POU2F2: variants seen among roughly 807,000 people sequenced by gnomAD.
POU2F2 encodes the protein POU domain, class 2, transcription factor 2.
Under a neutral mutation model 63.5 loss-of-function variants are expected in POU2F2, and 14 were observed. The observed-to-expected ratio is 0.22, with a 90% confidence interval of 0.15 to 0.34. The LOEUF is 0.34. Ranked by LOEUF, POU2F2 falls within the 10% of genes least tolerant of loss-of-function variation. The probability of loss-of-function intolerance (pLI) is 1.00; values close to 1 mark genes in which losing one functional copy is unlikely to be tolerated. For missense variants in POU2F2, 607 were observed against 815.2 expected (o/e 0.74, Z 3.11); for synonymous variants, 306 against 348.6 (o/e 0.88, Z 1.36).
chr19:42,159,547 T>C (rs1011871936), intron 2 of POU2F2, among the ~76,000 whole-genome samples: 3 of 152,030 alleles, frequency 2.0e-5, no homozygotes, highest in Admixed American at 2.0e-4. Flanking sequence ...CTGTCCACCC[T>C]CCTCCCTAGA....
Position 42,195,102 on chromosome 19 carries a change from G to C in POU2F2, c.-70+1281C>G, listed in dbSNP as rs1599738756. On this transcript the variant is annotated intron_variant, in intron 1 of 5. Coordinates refer to the POU2F2 transcript ENST00000532176. ...GGGAGGGAGGAAGGGAGGAAGGAAGGGAGGGAGGGAGGGAGGAACGAAGAG... is the reference window on the plus strand; with the variant it reads ...GGGAGGGAGGAAGGGAGGAAGGAAGCGAGGGAGGGAGGGAGGAACGAAGAG... Among the ~76,000 whole-genome samples the C allele has an allele frequency of 3.4e-5, 3 of 89,056 alleles. No individual in the cohort carries two copies. The East Asian group carries it at 1.1e-3, about 33-fold the overall frequency. The allele number at this position is 89,056 out of a possible 152,430, so 58.4% of individuals were successfully genotyped here. A position where few individuals can be genotyped will look rare whatever the true frequency, so the allele number is the denominator to read the frequency against.
chr19:42,098,986 G>A (rs1243565676), intron 7 of POU2F2, among the ~76,000 whole-genome samples: 6 of 152,200 alleles, frequency 3.9e-5, no homozygotes, highest in Non-Finnish European at 8.8e-5. Context: ...GTACAGCCCT[G>A]CCAGATTTTC....
rs2034361642 is a variant in POU2F2 at position 42,152,032 on chromosome 19, C to G, written c.-9+8300G>C. 6.6e-6 allele frequency among the ~76,000 whole-genome samples: 1 copy of G among 152,122 alleles called. No homozygotes were observed. The highest frequency in any genetic ancestry group is 1.5e-5 in the Non-Finnish European group (1 of 68,022). ...GGAAGAGGCCTTCAGACAGTTTTCC[C>G]CTTTTGCCCATGGCTACAGTGAAGG... On this transcript the variant is annotated intron_variant, in intron 2 of 6. Coordinates refer to the POU2F2 transcript ENST00000524801. This position sits in a 1 kb window ranked among gnomAD's most constrained non-coding sequence, Gnocchi z 4.1.
rs1211874205 is a variant in POU2F2 at position 42,152,200 on chromosome 19, C to G, written c.-9+8132G>C. Among the ~76,000 whole-genome samples, 1 of 152,120 alleles carries G rather than the reference C, an allele frequency of 6.6e-6. No individual in the cohort carries two copies. Among genetic ancestry groups the G allele is most frequent in the African/African-American group, 2.4e-5 (1 of 41,426 alleles). Reference sequence around the variant, plus strand: ...CCCCCATGCCCACAGGGATATGGAGCCTCCAAAGAGACAGAAGGAAACAGG... The same window carrying G: ...CCCCCATGCCCACAGGGATATGGAGGCTCCAAAGAGACAGAAGGAAACAGG... On this transcript the variant is annotated intron_variant, in intron 2 of 6. Transcript: ENST00000524801. This position sits in a 1 kb window ranked among gnomAD's most constrained non-coding sequence, Gnocchi z 4.1.
At chr19:42,130,488 C>T (rs573352695) in intron 1 of POU2F2, among the ~76,000 whole-genome samples, 173 of 152,198 alleles carry the variant, frequency 1.1e-3, no homozygotes, top group Middle Eastern at 3.4e-3. Context: ...AGTCTTCCCA[C>T]ACTGGGCTGT....
At chr19:42,135,663 AAAATT>A (rs1342203139), upstream of POU2F2, among the ~76,000 whole-genome samples, 1 of 151,882 alleles carries the variant, frequency 6.6e-6, no homozygotes, top group Non-Finnish European at 1.5e-5. Context: ...CCTTTTAAAA[AAAATT>A]AAATTAAGCT....
intron 2 of POU2F2, among the ~76,000 whole-genome samples, chr19:42,138,832 A>AGTC (rs1209945168): frequency 6.6e-6 from 1 of 152,170 alleles, no homozygotes; most frequent in African/African-American, 2.4e-5. Context: ...CCAGGGGGAA[A>AGTC]GTCAGGAAGC....
chr19:42,163,487 C>T (rs2034591234), intron 1 of POU2F2, among the ~76,000 whole-genome samples: 1 of 152,084 alleles, frequency 6.6e-6, no homozygotes, highest in Admixed American at 6.5e-5. Context: ...GTGGGCAGGA[C>T]ATAGGCCGGC....
chr19:42,144,675 A>G (rs1488296489), intron 2 of POU2F2, among the ~76,000 whole-genome samples: 4 of 152,242 alleles, frequency 2.6e-5, no homozygotes, highest in Non-Finnish European at 5.9e-5. Flanking sequence ...CTGTGCAGGC[A>G]TATGTTATGT....
intron 1 of POU2F2, among the ~76,000 whole-genome samples, chr19:42,165,844 G>A (rs2034639562): frequency 6.6e-6 from 1 of 152,236 alleles, no homozygotes; most frequent in South Asian, 2.1e-4. Flanking sequence ...GCTGTGAGTA[G>A]TAAGTGAAGG....
At chr19:42,122,638 C>A in intron 1 of POU2F2, 62 bp from the exon 2 acceptor site, 2 of 1,383,844 alleles carry the variant, frequency 1.4e-6, no homozygotes, top group Non-Finnish European at 2.0e-6. Context: ...GCTCTCGGGC[C>A]CCCATTCCAC....
chr19:42,091,481 G>T lies in POU2F2; in HGVS notation c.1651C>A (p.Leu551Ile). The change falls in exon 15 of 15, where the codon CTC becomes ATC. Residue 551 changes from leucine to isoleucine, a missense_variant. Leu to Ile is a conservative substitution (Grantham distance 5, BLOSUM62 2). Coordinates refer to ENST00000692977, the MANE Select transcript of POU2F2 (RefSeq NM_001394376.1). ...GGCAGCCCAGCATGATTCAAGAAGA[G>T]CGGCGAGGTCACCAGGCCAGGGCTC... ...PGSPGLVTSP[L>I]FLNHAGLPLL... The T allele has an allele frequency of 6.5e-7, 1 of 1,550,146 alleles. No homozygotes were observed. Among genetic ancestry groups the T allele is most frequent in the South Asian group, 1.2e-5 (1 of 83,992 alleles).
Position 42,092,183 on chromosome 19 carries a change from AG to A in POU2F2, c.1351del (p.Leu451SerfsTer34), listed in dbSNP as rs746693584. ...GGGAGTGACAGAGGGGATGGAATTG[AG>A]GGGGGGCGCAGCCCCGCCCCCGCCC... ...GGGGGGAAPP[L>X]NSIPSVTPPP... On this transcript the variant is annotated frameshift_variant, in exon 13 of 15. Transcript: ENST00000692977. LOFTEE classifies it high-confidence loss of function. The surrounding 1 kb of genome is among the most constrained non-coding windows in gnomAD (Gnocchi z 5.0). The A allele has an allele frequency of 7.5e-7, 1 of 1,325,410 alleles. No homozygotes were observed. Among genetic ancestry groups the A allele is most frequent in the Non-Finnish European group, 1.0e-6 (1 of 975,884 alleles). The allele number at this position is 1,325,410 out of a possible 1,614,324, so 82.1% of individuals were successfully genotyped here.
upstream of POU2F2, among the ~76,000 whole-genome samples, chr19:42,176,597 CT>C: frequency 1.3e-5 from 2 of 152,266 alleles, no homozygotes; most frequent in Non-Finnish European, 2.9e-5. Flanking sequence ...CTTCTTGCCC[CT>C]TCTCCCTTTT....
rs1444687428 is a variant in POU2F2 at position 42,127,530 on chromosome 19, G to A, written c.28+4854C>T. 4.6e-5 allele frequency among the ~76,000 whole-genome samples: 7 copies of A among 151,994 alleles called. No individual in the cohort carries two copies. In the South Asian group the frequency reaches 8.3e-4, roughly 18 times the overall value. On this transcript the variant is annotated intron_variant, in intron 1 of 14. Coordinates refer to ENST00000692977, the MANE Select transcript of POU2F2 (RefSeq NM_001394376.1). ...CCCAAATAGCTGGGATTACATGTGC[G>A]CGCCACTACGACTGGCTAATTTTTG...
intron 1 of POU2F2, among the ~76,000 whole-genome samples, chr19:42,195,349 T>C (rs2035130559): frequency 6.8e-6 from 1 of 147,092 alleles, no homozygotes; most frequent in Admixed American, 6.7e-5. Context: ...TTTTTTTTTT[T>C]TGAGACGGAG....
At chr19:42,177,434 G>A (rs890205180), upstream of POU2F2, 1 of 152,654 alleles carries the variant, frequency 6.6e-6, no homozygotes, top group East Asian at 1.9e-4. Flanking sequence ...AGAGAGCGAG[G>A]GGGGAGAGAG....
chr19:42,145,890 C>A (rs542855324), intron 2 of POU2F2, among the ~76,000 whole-genome samples: 1 of 151,680 alleles, frequency 6.6e-6, no homozygotes, highest in East Asian at 1.9e-4. Context: ...GCTGAGATTG[C>A]GCCACTGCAC....
rs1466626581 is a variant in POU2F2, at chr19:42,155,319, T to C, written c.-9+5013A>G. ...CCTCTGACTTTTCTGCTGTTTCCTC[T>C]TCCTCTTTGCTCCTCTCCGTTGCTC... On this transcript the variant is annotated intron_variant, in intron 2 of 6. Transcript: ENST00000524801. This position sits in a 1 kb window ranked among gnomAD's most constrained non-coding sequence, Gnocchi z 4.2. Among the ~76,000 whole-genome samples the C allele has an allele frequency of 6.6e-6, 1 of 152,242 alleles. No homozygotes were observed. The highest frequency in any genetic ancestry group is 1.5e-5 in the Non-Finnish European group (1 of 68,040).
Sources: gnomAD v4.1 joint callset for allele counts (sites outside exome capture counted in the v4.1 genomes callset) on GRCh38, gnomAD v4.1.1 for gene constraint, Gnocchi (gnomAD v3.1) non-coding constraint, MANE v1.5 for transcripts, NCBI Gene and HGNC (gene_info 2026-07-23, HGNC 2026-07-21) for gene names.